Variants in OTUD7A observed in about 807,000 individuals in gnomAD.
OTUD7A encodes the protein OTU domain-containing protein 7A.
OTUD7A carries 12 observed loss-of-function variants against 65.7 expected under a neutral mutation model. The observed-to-expected ratio is 0.18, with a 90% CI of 0.12 to 0.30. The LOEUF (loss-of-function observed/expected upper bound fraction) is 0.30. Among genes scored for constraint, OTUD7A ranks in the 10% least tolerant of loss-of-function variants. The pLI is 1.00. For missense variants in OTUD7A, 1,148 were observed against 1,304.8 expected (o/e 0.88, Z 1.85); for synonymous variants, 641 against 586.3 (o/e 1.09, Z -1.35).
At chr15:31,782,239 G>C (rs28649508) in intron 1 of OTUD7A, among the ~76,000 whole-genome samples, 11,765 of 152,284 alleles carry the variant, frequency 0.077, 1,088 homozygotes, top group African/African-American at 0.23. Flanking sequence ...GAGGTGCCAA[G>C]AGTAATGTGA....
intron 1 of OTUD7A, among the ~76,000 whole-genome samples, chr15:31,790,918 C>T (rs755358088): frequency 6.6e-6 from 1 of 152,302 alleles, no homozygotes; most frequent in East Asian, 1.9e-4. Context: ...ATGGAGACAC[C>T]TATGGAAGTG....
chr15:31,853,228 CAAG>C (rs1388974247), intron 1 of OTUD7A, among the ~76,000 whole-genome samples: 1 of 152,188 alleles, frequency 6.6e-6, no homozygotes, highest in East Asian at 1.9e-4. Context: ...TCTCAAAGCA[CAAG>C]AAGTCCCCAA....
chr15:31,816,692 A>T (rs1267233939), intron 1 of OTUD7A, among the ~76,000 whole-genome samples: 1 of 152,126 alleles, frequency 6.6e-6, no homozygotes, highest in Non-Finnish European at 1.5e-5. Flanking sequence ...CGTCTCAAAA[A>T]AAAAAAAATT....
At chr15:31,741,445 T>C (rs2141373022) in intron 1 of OTUD7A, among the ~76,000 whole-genome samples, 1 of 152,320 alleles carries the variant, frequency 6.6e-6, no homozygotes, top group East Asian at 1.9e-4. Context: ...TTCATAATTA[T>C]AAAAGTTGGG....
intron 1 of OTUD7A, among the ~76,000 whole-genome samples, chr15:31,847,572 G>A (rs752543343): frequency 2.0e-5 from 3 of 152,178 alleles, no homozygotes; most frequent in African/African-American, 7.2e-5. Flanking sequence ...AGGCATAAGG[G>A]TTTGCAACAC....
At chr15:31,506,440 A>AT (rs1199222655) in intron 8 of OTUD7A, among the ~76,000 whole-genome samples, 12 of 138,060 alleles carry the variant, frequency 8.7e-5, no homozygotes, top group African/African-American at 2.8e-4. Flanking sequence ...ATTTATTTGA[A>AT]ATTTTTTTTA....
intron 5 of OTUD7A, among the ~76,000 whole-genome samples, chr15:31,548,707 T>C (rs1308948395): frequency 6.6e-6 from 1 of 152,152 alleles, no homozygotes; most frequent in Non-Finnish European, 1.5e-5. Flanking sequence ...ATCAAAAGCA[T>C]AGTTGCCATA....
intron 1 of OTUD7A, among the ~76,000 whole-genome samples, chr15:31,668,065 A>G (rs1319882278): frequency 5.9e-5 from 9 of 152,318 alleles, no homozygotes; most frequent in Non-Finnish European, 1.0e-4. Context: ...TCTGTCTCAC[A>G]GCTCTTAAGA....
At chr15:31,748,320 C>A (rs192382072) in intron 1 of OTUD7A, among the ~76,000 whole-genome samples, 12 of 151,820 alleles carry the variant, frequency 7.9e-5, no homozygotes, top group Admixed American at 7.9e-4. Flanking sequence ...AAAAACTCCA[C>A]GATGATATAC....
intron 1 of OTUD7A, among the ~76,000 whole-genome samples, chr15:31,836,774 G>C (rs1897064447): frequency 6.6e-6 from 1 of 152,172 alleles, no homozygotes; most frequent in Admixed American, 6.5e-5. Flanking sequence ...CTCAGAAAAA[G>C]CATTTGGCAG....
intron 3 of OTUD7A, among the ~76,000 whole-genome samples, chr15:31,648,566 C>T (rs1451970343): frequency 6.6e-6 from 1 of 152,154 alleles, no homozygotes; most frequent in Non-Finnish European, 1.5e-5. Flanking sequence ...TTCTTTTCTC[C>T]TGATCACAAA....
At chr15:31,600,810 C>G (rs1409133804) in intron 3 of OTUD7A, among the ~76,000 whole-genome samples, 2 of 152,128 alleles carry the variant, frequency 1.3e-5, no homozygotes. Flanking sequence ...GGTTGCAATC[C>G]TAGTCTCTGA....
At chr15:31,814,231 T>G (rs1264028572) in intron 1 of OTUD7A, among the ~76,000 whole-genome samples, 1 of 152,240 alleles carries the variant, frequency 6.6e-6, no homozygotes, top group Non-Finnish European at 1.5e-5. Flanking sequence ...GCAAGGGTGC[T>G]CTAAAGGATC....
Position 31,541,467 on chromosome 15 carries a change from T to A in OTUD7A, c.551-10659A>T, listed in dbSNP as rs558971161. 5.3e-5 allele frequency among the ~76,000 whole-genome samples: 8 copies of A among 152,340 alleles called. No homozygotes were observed. The South Asian group carries it at 1.7e-3, about 32-fold the overall frequency. The stretch of plus-strand genomic sequence containing the variant: ...GATCTTGTGTGAATGCGTGTAGCAC[T>A]GCAGATAAAGTAGGGGCTGAAGGCT... On this transcript the variant is annotated intron_variant, in intron 5 of 12. Transcript: ENST00000307050.
chr15:31,766,288 C>G (rs1895092562), intron 1 of OTUD7A: 1 of 1,604,174 alleles, frequency 6.2e-7, no homozygotes, highest in Admixed American at 1.7e-5. Flanking sequence ...TTGGGCATAT[C>G]AACATTTTGA....
intron 1 of OTUD7A, among the ~76,000 whole-genome samples, chr15:31,772,265 A>ATAAAATAAAATAAAT (rs1238797198): frequency 4.3e-4 from 65 of 152,076 alleles, no homozygotes; most frequent in African/African-American, 1.5e-3. Flanking sequence ...AAAAAAAAAA[A>ATAAAATAAAATAAAT]AAAAAATATT....
intron 1 of OTUD7A, among the ~76,000 whole-genome samples, chr15:31,777,959 G>A (rs1198138403): frequency 6.6e-6 from 1 of 152,208 alleles, no homozygotes; most frequent in Non-Finnish European, 1.5e-5. Context: ...AGGTGGAAAT[G>A]ATGGGCTGAT....
intron 1 of OTUD7A, among the ~76,000 whole-genome samples, chr15:31,835,130 G>A (rs941701028): frequency 4.6e-4 from 70 of 152,312 alleles, no homozygotes; most frequent in African/African-American, 1.7e-3. Flanking sequence ...AGATTTTGAC[G>A]CTCTCCCTGT....
Position 31,811,486 on chromosome 15 carries a change from G to A in OTUD7A, c.-100+59021C>T, listed in dbSNP as rs752269124. ...TGTAGTGTCTGTAGATGTGTGTAGC[G>A]TGATGTGTATGTAAGTGCATGGGTA... On this transcript the variant is annotated intron_variant, in intron 1 of 12. Coordinates refer to ENST00000307050, the MANE Select transcript of OTUD7A (RefSeq NM_001382637.1). Among the ~76,000 whole-genome samples the A allele has an allele frequency of 6.6e-5, 10 of 151,888 alleles. No individual in the cohort carries two copies. In the East Asian group the frequency reaches 7.7e-4, roughly 12 times the overall value.
Sources: allele counts gnomAD v4.1 joint callset (sites outside exome capture counted in the v4.1 genomes callset), GRCh38; gene constraint gnomAD v4.1.1; transcripts MANE v1.5; gene names NCBI Gene and HGNC (gene_info 2026-07-23, HGNC 2026-07-21).